The following GTF3C5 variants were observed in gnomAD, a reference collection of about 807,000 sequenced individuals.
GTF3C5 encodes general transcription factor IIIC subunit 5, also known as general transcription factor 3C polypeptide 5.
In GTF3C5, 47 loss-of-function variants were observed where a neutral mutation model predicts 61.0. The ratio of observed to expected loss-of-function variants is 0.77; its 90% CI spans 0.61 to 0.98. GTF3C5 has a LOEUF of 0.98. GTF3C5 is among the 50% of genes least tolerant of loss of function. The pLI is 0.00. For synonymous variants in GTF3C5, 295 were observed against 275.4 expected, an observed-to-expected ratio of 1.07 and a Z score of -0.71; for missense variants, 659 against 703.3, an observed-to-expected ratio of 0.94 and a Z score of 0.71.
In GTF3C5 at chr9:133,058,456, CAGCCAGGCCCCTCTG is replaced by C. The variant is rs1830006316; in HGVS notation, c.*477_*491del. On this transcript the variant is annotated 3_prime_UTR_variant, in exon 11 of 11. Transcript: ENST00000372097. Reference sequence around the variant, plus strand: ...CAACCGTTTGGCACAGCTTTGGCCACAGCCAGGCCCCTCTGGAATTGTCCTTATTAAACCAGTTTC... The same window carrying C: ...CAACCGTTTGGCACAGCTTTGGCCACGAATTGTCCTTATTAAACCAGTTTC... The C allele has an allele frequency of 6.3e-6, 1 of 157,748 alleles. No individual in the cohort carries two copies. The highest frequency in any genetic ancestry group is 1.4e-5 in the Non-Finnish European group (1 of 70,868). The allele number at this position is 157,748 out of a possible 1,614,324, so 9.8% of individuals were successfully genotyped here.
chr9:133,058,150 A>G lies in GTF3C5; in HGVS notation c.*170A>G, dbSNP rs372287200. On this transcript the variant is annotated 3_prime_UTR_variant, in exon 11 of 11. Coordinates refer to ENST00000372097, the MANE Select transcript of GTF3C5 (RefSeq NM_012087.4). ...AGCTGACCCTAGCACTGGCTGTGAC[A>G]TGCTGCTTGGTGCTGCCTCTGGTCC... 1,937 of 1,447,490 alleles carry G rather than the reference A, an allele frequency of 1.3e-3. 22 individuals are homozygous for G. In the South Asian group the frequency reaches 0.017, roughly 13 times the overall value. 89.7% of individuals were successfully genotyped at this position (1,447,490 alleles called of 1,614,324 possible). A position where few individuals can be genotyped will look rare whatever the true frequency, so the allele number is the denominator to read the frequency against.
intron 5 of GTF3C5, 100 bp downstream of exon 5, chr9:133,052,264 CT>C (rs1486590215): frequency 3.1e-6 from 2 of 642,776 alleles, no homozygotes; most frequent in Non-Finnish European, 5.6e-6. Flanking sequence ...AGCCAACCCC[CT>C]ATCCTGGCTC....
At chr9:133,047,004 G>T (rs1333156162) in intron 3 of GTF3C5, among the ~76,000 whole-genome samples, 1 of 152,150 alleles carries the variant, frequency 6.6e-6, no homozygotes, top group Non-Finnish European at 1.5e-5. Context: ...AAGGTGGAGA[G>T]AATTGGATTG....
Position 133,031,104 on chromosome 9 carries a change from A to G in GTF3C5, c.93A>G (p.Gly31=), listed in dbSNP as rs776010303. 1 of 1,605,078 alleles carries G rather than the reference A, an allele frequency of 6.2e-7. No homozygotes were observed. Among genetic ancestry groups the G allele is most frequent in the Admixed American group, 1.7e-5 (1 of 59,176 alleles). Residue 31 remains glycine, a synonymous_variant, in exon 1 of 11, where the codon GGA becomes GGG. Transcript: ENST00000372097. ...ERRMVCVEYP[G]VVRDVAKMLP... ...GCATGGTGTGCGTGGAGTACCCGGG[A>G]GTGGTGCGTGATGTGGCTAAGATGC...
intron 8 of GTF3C5, chr9:133,055,476 C>A (rs911726318): frequency 2.5e-6 from 3 of 1,214,026 alleles, no homozygotes; most frequent in Non-Finnish European, 3.1e-6. Context: ...CAGTGAGGGG[C>A]GATCATGCCA....
chr9:133,037,974 T>C (rs1048810388), intron 1 of GTF3C5, among the ~76,000 whole-genome samples: 1 of 152,164 alleles, frequency 6.6e-6, no homozygotes, highest in African/African-American at 2.4e-5. Flanking sequence ...GGTTCCTGTG[T>C]CTTGTCCCAC....
rs1459643500 is a variant in GTF3C5, at chr9:133,056,069, C to T, written c.1225C>T (p.Gln409Ter). 6.2e-7 allele frequency: 1 copy of T among 1,614,040 alleles called. No homozygotes were observed. The highest frequency in any genetic ancestry group is 1.1e-5 in the South Asian group (1 of 91,088). Reference sequence around the variant, plus strand: ...GCCACCCTATCGGCAGATGTTCTACCAGTTATGCGACTTGAATGTGGAAGA... The same window carrying T: ...GCCACCCTATCGGCAGATGTTCTACTAGTTATGCGACTTGAATGTGGAAGA... ...ALPPYRQMFY[Q>*]LCDLNVEELQ... is the part of the protein sequence containing the mutation. Residue 409 changes from glutamine (Q) to a stop codon, truncating the protein, a stop_gained, in exon 9 of 11, where the codon CAG becomes TAG. Coordinates refer to ENST00000372097, the MANE Select transcript of GTF3C5 (RefSeq NM_012087.4). LOFTEE classifies it high-confidence loss of function.
chr9:133,052,498 A>G (rs1477829166), intron 5 of GTF3C5, among the ~76,000 whole-genome samples: 2 of 151,258 alleles, frequency 1.3e-5, no homozygotes, highest in African/African-American at 2.4e-5. Context: ...CGCCCTCCAC[A>G]GCCTGTTGGG....
chr9:133,058,419 AG>A lies in GTF3C5; in HGVS notation c.*440del, dbSNP rs1830005114. The stretch of plus-strand genomic sequence containing the variant: ...GTCTCACGTGGCAAGAAGTGCCTTT[AG>A]CTCTGGATCCCAACCGTTTGGCACA... On this transcript the variant is annotated 3_prime_UTR_variant, in exon 11 of 11. Transcript: ENST00000372097. 1 of 163,006 alleles carries A rather than the reference AG, an allele frequency of 6.1e-6. No individual in the cohort carries two copies. Among genetic ancestry groups the A allele is most frequent in the African/African-American group, 2.4e-5 (1 of 41,496 alleles). The allele number at this position is 163,006 out of a possible 1,614,324, so 10.1% of individuals were successfully genotyped here.
In GTF3C5 at chr9:133,054,430, G is replaced by A. The variant is rs150162641; in HGVS notation, c.1011G>A (p.Pro337=). ...MKHGYAPSDL[P]VKAKRSTYNY... ...CAGGTTACGCCCCCAGTGACTTGCC[G>A]GTCAAAGCAAAGCGCAGCACCTACA... Residue 337 remains proline (P), a synonymous_variant, in exon 7 of 11, where the codon CCG becomes CCA. Coordinates refer to ENST00000372097, the MANE Select transcript of GTF3C5 (RefSeq NM_012087.4). 340 of 1,614,128 alleles carry A rather than the reference G, an allele frequency of 2.1e-4. 1 individual carries two copies. Among genetic ancestry groups the A allele is most frequent in the Middle Eastern group, 6.6e-4 (4 of 6,062 alleles).
intron 1 of GTF3C5, among the ~76,000 whole-genome samples, chr9:133,035,557 A>G (rs1849840287): frequency 6.6e-6 from 1 of 152,170 alleles, no homozygotes; most frequent in African/African-American, 2.4e-5. Flanking sequence ...GGGTTTGGAT[A>G]ACATTTCTCT....
At chr9:133,055,778 CA>C (rs1829920557) in intron 8 of GTF3C5, 15 of 1,358,726 alleles carry the variant, frequency 1.1e-5, no homozygotes, top group Non-Finnish European at 1.4e-5. Context: ...TCACCGTTTC[CA>C]GTGGCCCCAG....
rs113619891 is a variant in GTF3C5, at chr9:133,054,267, G to A, written c.989-141G>A. On this transcript the variant is annotated intron_variant, in intron 6 of 10. Coordinates refer to ENST00000372097, the MANE Select transcript of GTF3C5 (RefSeq NM_012087.4). ...GAAGTGCTGAGATGTGTTGGTGACC[G>A]CAGTGGCGTGCTTGGCAGTCTGGGG... 1.0e-4 allele frequency: 68 copies of A among 677,624 alleles called. 1 individual carries two copies. Among genetic ancestry groups the A allele is most frequent in the African/African-American group, 8.0e-4 (45 of 56,092 alleles). The allele number at this position is 677,624 out of a possible 1,614,324, so 42.0% of individuals were successfully genotyped here. A position where few individuals can be genotyped will look rare whatever the true frequency, so the allele number is the denominator to read the frequency against.
At chr9:133,038,627 T>G (rs1283251641) in intron 1 of GTF3C5, among the ~76,000 whole-genome samples, 7 of 151,696 alleles carry the variant, frequency 4.6e-5, no homozygotes, top group Non-Finnish European at 1.0e-4. Flanking sequence ...ATTTTTGTTT[T>G]TTTTTTTTTA....
At position 133,052,056 on chromosome 9, in the gene GTF3C5, C is replaced by T. The variant is rs768255167; in HGVS notation, c.769-4C>T. On this transcript the variant is annotated splice_polypyrimidine_tract_variant and splice_region_variant and intron_variant, in intron 4 of 10. Transcript: ENST00000372097. The stretch of plus-strand genomic sequence containing the variant: ...ATCTCAGCCTCTGCCCTTGGCCTCC[C>T]CAGCTGTTTGACATCCGTCCCATCT... The T allele has an allele frequency of 6.4e-7, 1 of 1,569,646 alleles. No individual in the cohort carries two copies. The highest frequency in any genetic ancestry group is 8.7e-7 in the Non-Finnish European group (1 of 1,146,484).
chr9:133,050,609 A>T (rs1588475302), intron 3 of GTF3C5, among the ~76,000 whole-genome samples, 174 bp from the exon 4 acceptor site: 1 of 152,196 alleles, frequency 6.6e-6, no homozygotes, highest in Non-Finnish European at 1.5e-5. Context: ...TCCTCTGTGA[A>T]TACAGGTTCC....
intron 5 of GTF3C5, among the ~76,000 whole-genome samples, chr9:133,052,935 T>G (rs1315047380): frequency 6.6e-6 from 1 of 152,158 alleles, no homozygotes; most frequent in Non-Finnish European, 1.5e-5. Flanking sequence ...GGGATTCAAG[T>G]GATTCTCCTG....
chr9:133,044,166 AAAAG>A (rs1564198686), intron 3 of GTF3C5: 1 of 523,782 alleles, frequency 1.9e-6, no homozygotes, highest in Non-Finnish European at 3.4e-6. Flanking sequence ...AAAAAAAAAA[AAAAG>A]AAAATGGGAT....
intron 5 of GTF3C5, among the ~76,000 whole-genome samples, chr9:133,053,365 G>C (rs925857922): frequency 6.6e-6 from 1 of 152,100 alleles, no homozygotes; most frequent in Non-Finnish European, 1.5e-5. Context: ...CGGGAGAATC[G>C]CTTGCATCCA....
Sources: allele counts gnomAD v4.1 joint callset (sites outside exome capture counted in the v4.1 genomes callset), GRCh38; gene constraint gnomAD v4.1.1; transcripts MANE v1.5; gene names NCBI Gene and HGNC (gene_info 2026-07-23, HGNC 2026-07-21).